Variants in ESR1 observed in about 807,000 individuals in gnomAD.
The protein encoded by ESR1 is estrogen receptor.
Under a neutral mutation model 52.7 loss-of-function variants are expected in ESR1, and 12 were observed. The ratio of observed to expected loss-of-function variants is 0.23; its 90% CI spans 0.15 to 0.37. The LOEUF is 0.37. Among genes scored for constraint, ESR1 ranks in the 10% least tolerant of loss-of-function variants. The pLI is 1.00. For synonymous variants in ESR1, 305 were observed against 316.8 expected, an observed-to-expected ratio of 0.96 and a Z score of 0.39; for missense variants, 584 against 779.7, an observed-to-expected ratio of 0.75 and a Z score of 2.99.
intron 4 of ESR1, among the ~76,000 whole-genome samples, chr6:151,999,037 T>A (rs9340954): frequency 6.6e-6 from 1 of 151,834 alleles, no homozygotes; most frequent in East Asian, 2.0e-4. Context: ...ATGTCTGAGT[T>A]GCTGTCCTGG....
At chr6:151,657,094 C>T (rs75390143) in intron 1 of ESR1, among the ~76,000 whole-genome samples, 9 of 152,128 alleles carry the variant, frequency 5.9e-5, no homozygotes, top group Non-Finnish European at 1.0e-4. Context: ...ATATCTTACA[C>T]AGGGGGAATA....
intron 3 of ESR1, among the ~76,000 whole-genome samples, chr6:151,929,986 CTTT>C (rs144067358): frequency 3.5e-5 from 5 of 142,626 alleles, no homozygotes; most frequent in Admixed American, 7.1e-5. Flanking sequence ...AACTATACTT[CTTT>C]TTTTTTTTTT....
At chr6:151,809,045 C>T in intron 1 of ESR1, 1 of 272,648 alleles carries the variant, frequency 3.7e-6, no homozygotes. Flanking sequence ...CATGTGACTT[C>T]TGACAGCCGG....
rs570780896 is a variant in ESR1 at position 151,998,429 on chromosome 6, A to G, written c.1097-13227A>G. ...CATTCACTCAGAATCCTTTTTGAAT[A>G]TCAGTTTTGTGAAAAGCACCGTGCT... On this transcript the variant is annotated intron_variant, in intron 4 of 7. Coordinates refer to ENST00000206249, the MANE Select transcript of ESR1 (RefSeq NM_000125.4). 4.1e-3 allele frequency among the ~76,000 whole-genome samples: 622 copies of G among 151,810 alleles called. 4 individuals carry two copies. Among genetic ancestry groups the G allele is most frequent in the African/African-American group, 0.014 (578 of 41,428 alleles).
intron 2 of ESR1, among the ~76,000 whole-genome samples, chr6:151,877,081 G>C (rs541725752): frequency 4.6e-5 from 7 of 151,812 alleles, no homozygotes; most frequent in African/African-American, 1.7e-4. Context: ...ATCTTGAGAA[G>C]ACCAGATAAT....
intron 3 of ESR1, among the ~76,000 whole-genome samples, chr6:151,902,440 A>G (rs921999250): frequency 2.0e-5 from 3 of 152,150 alleles, no homozygotes; most frequent in Non-Finnish European, 4.4e-5. Context: ...AAACATAACT[A>G]TGTGAAAACA....
At chr6:152,091,270 A>G (rs970698171) in intron 6 of ESR1, among the ~76,000 whole-genome samples, 1 of 152,260 alleles carries the variant, frequency 6.6e-6, no homozygotes, top group African/African-American at 2.4e-5. Flanking sequence ...AGAAAAGTCC[A>G]GAAAGAAGAT....
intron 6 of ESR1, among the ~76,000 whole-genome samples, chr6:152,093,893 A>T (rs2050403122): frequency 6.6e-6 from 1 of 151,970 alleles, no homozygotes; most frequent in Non-Finnish European, 1.5e-5. Flanking sequence ...CGTCTCCTTT[A>T]TCATTACCAC....
At chr6:151,809,988 G>A (rs1392785957) in intron 1 of ESR1, among the ~76,000 whole-genome samples, 1 of 151,792 alleles carries the variant, frequency 6.6e-6, no homozygotes, top group Non-Finnish European at 1.5e-5. Flanking sequence ...ACCTTATGAT[G>A]GACTCCAGAA....
chr6:152,045,439 G>C (rs1376953143), intron 5 of ESR1, among the ~76,000 whole-genome samples: 1 of 152,194 alleles, frequency 6.6e-6, no homozygotes, highest in Non-Finnish European at 1.5e-5. Context: ...GAGTCCCAGA[G>C]AGGCCTCTTA....
chr6:151,689,229 GA>G (rs930547236), upstream of ESR1, among the ~76,000 whole-genome samples: 11 of 126,602 alleles, frequency 8.7e-5, no homozygotes, highest in African/African-American at 2.0e-4. Context: ...AATTAATTTA[GA>G]AAAAATATTT....
intron 2 of ESR1, among the ~76,000 whole-genome samples, chr6:151,760,912 A>AT (rs1210930850): frequency 3.9e-5 from 6 of 152,214 alleles, no homozygotes; most frequent in Admixed American, 2.6e-4. Flanking sequence ...AAACTCTATG[A>AT]TTGAGACCTT....
chr6:152,024,884 A>G (rs1290636621), intron 5 of ESR1, among the ~76,000 whole-genome samples: 3 of 151,002 alleles, frequency 2.0e-5, no homozygotes, highest in Non-Finnish European at 4.4e-5. Flanking sequence ...AATATACTAG[A>G]AAGTCCATGG....
intron 6 of ESR1, among the ~76,000 whole-genome samples, chr6:152,077,736 G>A (rs1315993733): frequency 6.6e-6 from 1 of 152,196 alleles, no homozygotes; most frequent in Non-Finnish European, 1.5e-5. Flanking sequence ...GACTGCCCTG[G>A]TGGATTTTAG....
At position 152,100,100 on chromosome 6, in the gene ESR1, G is replaced by A. The variant is rs1030873024; in HGVS notation, c.*1134G>A. ...ACTTGCTCAGGGTGGCCCTGCCACA[G>A]GCTGCAGCTACCTAGGAACATTCCT... On this transcript the variant is annotated 3_prime_UTR_variant, in exon 8 of 8. Coordinates refer to ENST00000206249, the MANE Select transcript of ESR1 (RefSeq NM_000125.4). 31 of 398,732 alleles carry A rather than the reference G, an allele frequency of 7.8e-5. No homozygotes were observed. Among genetic ancestry groups the A allele is most frequent in the Non-Finnish European group, 1.1e-4 (26 of 226,244 alleles). The allele number at this position is 398,732 out of a possible 1,614,324, so 24.7% of individuals were successfully genotyped here. A position where few individuals can be genotyped will look rare whatever the true frequency, so the allele number is the denominator to read the frequency against.
At chr6:151,759,769 G>A (rs1370080945) in intron 2 of ESR1, among the ~76,000 whole-genome samples, 1 of 152,146 alleles carries the variant, frequency 6.6e-6, no homozygotes, top group East Asian at 1.9e-4. Flanking sequence ...TGTATATCAG[G>A]TGGCATACCC....
At chr6:151,747,263 G>A (rs1783554448) in intron 2 of ESR1, among the ~76,000 whole-genome samples, 1 of 152,186 alleles carries the variant, frequency 6.6e-6, no homozygotes, top group Non-Finnish European at 1.5e-5. Flanking sequence ...TTCAGTGAGT[G>A]CAGCACAAAT....
chr6:151,868,180 T>G (rs955365820), intron 2 of ESR1, among the ~76,000 whole-genome samples: 13 of 152,130 alleles, frequency 8.5e-5, no homozygotes, highest in Non-Finnish European at 1.3e-4. Context: ...CAGGCTAGAG[T>G]GCAATGGCTT....
chr6:151,719,291 C>T (rs1453316076), intron 2 of ESR1, among the ~76,000 whole-genome samples: 1 of 152,024 alleles, frequency 6.6e-6, no homozygotes, highest in Non-Finnish European at 1.5e-5. Flanking sequence ...GTGGTAAATG[C>T]TACAGGAAAG....
Sources: allele counts gnomAD v4.1 joint callset (sites outside exome capture counted in the v4.1 genomes callset), GRCh38; gene constraint gnomAD v4.1.1; transcripts MANE v1.5; gene names NCBI Gene and HGNC (gene_info 2026-07-23, HGNC 2026-07-21).